Variants in ICA1 observed in about 807,000 individuals in gnomAD.
ICA1 encodes the protein islet cell autoantigen 1.
Under a neutral mutation model 71.0 loss-of-function variants are expected in ICA1, and 40 were observed. The ratio of observed to expected loss-of-function variants is 0.56; its 90% CI spans 0.44 to 0.73. The LOEUF (loss-of-function observed/expected upper bound fraction) is 0.73. ICA1 is among the 30% of genes least tolerant of loss of function. ICA1 has a pLI of 0.00. For synonymous variants in ICA1, 207 were observed against 209.5 expected (o/e 0.99, Z 0.10); for missense variants, 578 against 576.5 (o/e 1.00, Z -0.03).
chr7:8,156,730 A>G, intron 8 of ICA1: 1 of 1,134,194 alleles, frequency 8.8e-7, no homozygotes, highest in African/African-American at 1.6e-5. Context: ...TGAATATAAT[A>G]ATTAAAAGTA....
chr7:8,135,319 G>A (rs182017370), intron 12 of ICA1, among the ~76,000 whole-genome samples: 14 of 152,116 alleles, frequency 9.2e-5, no homozygotes, highest in African/African-American at 1.2e-4. Context: ...GAGCCACCGC[G>A]CCCGGCCAGA....
intron 9 of ICA1, among the ~76,000 whole-genome samples, chr7:8,142,280 A>C (rs1288182275): frequency 1.3e-5 from 2 of 152,106 alleles, no homozygotes; most frequent in Non-Finnish European, 2.9e-5. Context: ...AACTCTCACC[A>C]CTTCTTTAAA....
At chr7:8,200,338 C>CAAAAAAAAAAAA (rs34371233) in intron 6 of ICA1, among the ~76,000 whole-genome samples, 9 of 67,954 alleles carry the variant, frequency 1.3e-4, no homozygotes, top group South Asian at 7.1e-4. Flanking sequence ...CACAGTTGAG[C>CAAAAAAAAAAAA]AAAAAAAAAA....
chr7:8,128,997 C>T (rs181512736), intron 12 of ICA1, among the ~76,000 whole-genome samples: 1 of 152,310 alleles, frequency 6.6e-6, no homozygotes, highest in Non-Finnish European at 1.5e-5. Context: ...AAGAAATACA[C>T]TTTAAACCTA....
At chr7:8,158,438 C>T (rs1468910677) in intron 7 of ICA1, 89 bp downstream of exon 7, 1 of 1,535,828 alleles carries the variant, frequency 6.5e-7, no homozygotes, top group Non-Finnish European at 8.9e-7. Context: ...TCACAATGGC[C>T]AAAGCTTACT....
At chr7:8,145,277 G>A (rs1329148185) in intron 8 of ICA1, among the ~76,000 whole-genome samples, 1 of 152,042 alleles carries the variant, frequency 6.6e-6, no homozygotes, top group Non-Finnish European at 1.5e-5. Context: ...TGGGATCCTA[G>A]CCTAACTTTC....
intron 13 of ICA1, among the ~76,000 whole-genome samples, chr7:8,116,970 T>G (rs1009503366): frequency 1.5e-4 from 23 of 152,194 alleles, no homozygotes; most frequent in Non-Finnish European, 3.2e-4. Flanking sequence ...GTAATCCCCA[T>G]GATCCCCATA....
intron 6 of ICA1, among the ~76,000 whole-genome samples, chr7:8,218,085 G>A (rs1795933842): frequency 6.6e-6 from 1 of 152,186 alleles, no homozygotes. Flanking sequence ...ATTAAAAGCA[G>A]TTATGAAATC....
At chr7:8,257,224 T>A (rs1342218864) in intron 1 of ICA1, among the ~76,000 whole-genome samples, 1 of 152,216 alleles carries the variant, frequency 6.6e-6, no homozygotes, top group Non-Finnish European at 1.5e-5. Flanking sequence ...AGGGTTCCTA[T>A]GACTAAGGAG....
chr7:8,245,669 A>G (rs971817623), intron 1 of ICA1, among the ~76,000 whole-genome samples: 3 of 152,220 alleles, frequency 2.0e-5, no homozygotes, highest in African/African-American at 7.2e-5. Context: ...CAATATATCT[A>G]AATTATTATT....
intron 8 of ICA1, among the ~76,000 whole-genome samples, chr7:8,155,617 G>A (rs936762365): frequency 6.6e-6 from 1 of 152,128 alleles, no homozygotes; most frequent in African/African-American, 2.4e-5. Flanking sequence ...CAGTTGTCTT[G>A]TAAAAGACAG....
intron 12 of ICA1, among the ~76,000 whole-genome samples, chr7:8,128,965 T>G (rs1176713709): frequency 6.6e-6 from 1 of 152,178 alleles, no homozygotes; most frequent in African/African-American, 2.4e-5. Context: ...AACGGCCACC[T>G]CGGTGTTGTC....
Position 8,179,183 on chromosome 7 carries a change from A to T in ICA1, c.580-20531T>A, listed in dbSNP as rs537360073. ...GTCTCTAAATGACTTCTTAGAGGAC[A>T]GCCACCCCACCAACCTGGACGCCTG... is the stretch of plus-strand genomic sequence containing the variant. On this transcript the variant is annotated intron_variant, in intron 6 of 13. Coordinates refer to ENST00000402384, the MANE Select transcript of ICA1 (RefSeq NM_001136020.3). Among the ~76,000 whole-genome samples the T allele has an allele frequency of 3.5e-4, 54 of 152,348 alleles. 1 individual carries two copies. Among genetic ancestry groups the T allele is most frequent in the South Asian group, 1.0e-3 (5 of 4,822 alleles).
chr7:8,240,897 A>C lies in ICA1; in HGVS notation c.-79-4892T>G, dbSNP rs187454051. On this transcript the variant is annotated intron_variant, in intron 1 of 13. Transcript: ENST00000402384. ...GTAAAAAGTAACTAGCAAAGCCTCC[A>C]AGAAATAAGGGACTATGTGAAAAGA... is the stretch of plus-strand genomic sequence containing the variant. 5.0e-3 allele frequency among the ~76,000 whole-genome samples: 762 copies of C among 152,370 alleles called. 6 individuals are homozygous for C. Among genetic ancestry groups the C allele is most frequent in the African/African-American group, 0.016 (660 of 41,578 alleles).
chr7:8,224,534 T>C (rs1798053481), intron 4 of ICA1, among the ~76,000 whole-genome samples: 2 of 152,184 alleles, frequency 1.3e-5, no homozygotes. Context: ...CCTGTATACA[T>C]TTCCCTAACA....
intron 5 of ICA1, chr7:8,218,954 C>T (rs1342816099): frequency 3.3e-5 from 8 of 244,586 alleles, no homozygotes; most frequent in Non-Finnish European, 3.2e-5. Flanking sequence ...GCATCTGCTG[C>T]TCACTCCAAT....
Position 8,146,767 on chromosome 7 carries a change from A to G in ICA1, c.805-2795T>C, listed in dbSNP as rs544868226. 5.8e-5 allele frequency among the ~76,000 whole-genome samples: 8 copies of G among 138,164 alleles called. No homozygotes were observed. The South Asian group carries it at 1.8e-3, about 31-fold the overall frequency. 90.6% of individuals were successfully genotyped at this position (138,164 alleles called of 152,430 possible). On this transcript the variant is annotated intron_variant, in intron 8 of 13. Coordinates refer to ENST00000402384, the MANE Select transcript of ICA1 (RefSeq NM_001136020.3). ...CGTGTGTGTGTGTGTGTGTGTGTTTAGTATATGTGCAGCCAGGAGGAAGGA... is the reference window on the plus strand; with the variant it reads ...CGTGTGTGTGTGTGTGTGTGTGTTTGGTATATGTGCAGCCAGGAGGAAGGA...
At chr7:8,250,451 A>G (rs185154852) in intron 1 of ICA1, among the ~76,000 whole-genome samples, 165 of 152,338 alleles carry the variant, frequency 1.1e-3, no homozygotes, top group Middle Eastern at 0.01. Flanking sequence ...AAAGCTAGGT[A>G]TTAATTAAAG....
chr7:8,153,845 A>AT (rs1200520439), intron 8 of ICA1, among the ~76,000 whole-genome samples: 3 of 149,332 alleles, frequency 2.0e-5, no homozygotes, highest in African/African-American at 7.3e-5. Flanking sequence ...GAATATATAT[A>AT]TATATATATA....
Sources: gnomAD v4.1 joint callset for allele counts (sites outside exome capture counted in the v4.1 genomes callset) on GRCh38, gnomAD v4.1.1 for gene constraint, MANE v1.5 for transcripts, NCBI Gene and HGNC (gene_info 2026-07-23, HGNC 2026-07-21) for gene names.